The following NUP58 variants were observed in gnomAD, a reference collection of about 807,000 sequenced individuals.
The protein encoded by NUP58 is nucleoporin p58/p45.
A neutral mutation model predicts 70.1 loss-of-function variants in NUP58; 17 were observed. That is an observed-to-expected ratio of 0.24 (90% CI 0.17 to 0.36). NUP58 has a LOEUF of 0.36. Among genes scored for constraint, NUP58 ranks in the 10% least tolerant of loss-of-function variants. The pLI, the probability that NUP58 is intolerant of heterozygous loss-of-function variation, is 1.00. For missense variants in NUP58, 644 were observed against 701.5 expected (o/e 0.92, Z 0.93); for synonymous variants, 275 against 257.6 (o/e 1.07, Z -0.65).
At chr13:25,343,905 C>G (rs1368524109), downstream of NUP58, among the ~76,000 whole-genome samples, 1 of 149,936 alleles carries the variant, frequency 6.7e-6, no homozygotes, top group Non-Finnish European at 1.5e-5. Context: ...TGGTTAGGTT[C>G]ATTTGACTAT....
At chr13:25,321,206 T>C (rs1294771530) in intron 9 of NUP58, 113 bp downstream of exon 9, 1 of 862,584 alleles carries the variant, frequency 1.2e-6, no homozygotes, top group Non-Finnish European at 1.8e-6. Flanking sequence ...GATACATGCA[T>C]ACCGGTAGAA....
At position 25,320,356 on chromosome 13, in the gene NUP58, C is replaced by T. The variant is rs542292611; in HGVS notation, c.711-174C>T. On this transcript the variant is annotated intron_variant, in intron 7 of 15. Transcript: ENST00000381736. ...AATTGTTAAAATTATTTTATAGATC[C>T]TATTTACAATAAATTTATGTTTTTT... 54 of 484,872 alleles carry T rather than the reference C, an allele frequency of 1.1e-4. 1 individual carries two copies. The South Asian group carries it at 1.7e-3, about 15-fold the overall frequency. 30.0% of individuals were successfully genotyped at this position (484,872 alleles called of 1,614,324 possible). A position where few individuals can be genotyped will look rare whatever the true frequency, so the allele number is the denominator to read the frequency against.
At chr13:25,318,337 A>T (rs2031032051) in intron 6 of NUP58, among the ~76,000 whole-genome samples, 3 of 152,082 alleles carry the variant, frequency 2.0e-5, no homozygotes, top group Admixed American at 6.6e-5. Context: ...CAGAAATAAA[A>T]AAAAAATTTG....
At chr13:25,305,144 T>TG (rs375797248) in intron 1 of NUP58, among the ~76,000 whole-genome samples, 88,905 of 119,042 alleles carry the variant, frequency 0.75, 35,637 homozygotes, top group Non-Finnish European at 0.89. Context: ...TTTTTTTTTT[T>TG]TTTTTTTTTT....
chr13:25,324,990 A>G lies in NUP58; in HGVS notation c.953A>G (p.Glu318Gly), dbSNP rs1593191194. 6.6e-7 allele frequency: 1 copy of G among 1,521,532 alleles called. No homozygotes were observed. 94.3% of individuals were successfully genotyped at this position (1,521,532 alleles called of 1,614,324 possible). ...IDKLKIETAQ[E>G]LKNAEIALRT... ...TTTTTAAATCCTCTGGTATATTAGG[A>G]GTTGAAGAATGCTGAAATAGCTTTA... The change falls in exon 10 of 16, where the codon GAG becomes GGG. Residue 318 changes from glutamate to glycine, a missense_variant and splice_region_variant. This residue lies in a region of NUP58 where 430 missense variants were observed against 409.2 expected (regional missense o/e 1.05). Transcript: ENST00000381736.
At chr13:25,332,702 C>T (rs1380210388) in intron 13 of NUP58, 3 of 985,458 alleles carry the variant, frequency 3.0e-6, no homozygotes, top group African/African-American at 1.7e-5. Flanking sequence ...CCAAATCCTC[C>T]ATATCCCGTG....
downstream of NUP58, among the ~76,000 whole-genome samples, chr13:25,345,056 T>C (rs2032032089): frequency 6.6e-6 from 1 of 152,224 alleles, no homozygotes; most frequent in Non-Finnish European, 1.5e-5. Flanking sequence ...GCCTCTTACA[T>C]CACATCCCCA....
At chr13:25,333,821 G>C in intron 13 of NUP58, 1 of 985,318 alleles carries the variant, frequency 1.0e-6, no homozygotes, top group Non-Finnish European at 1.2e-6. Flanking sequence ...TCTAGATGAG[G>C]GTAGAGAGAG....
chr13:25,328,644 TC>T (rs761394457), intron 12 of NUP58, among the ~76,000 whole-genome samples: 1 of 152,036 alleles, frequency 6.6e-6, no homozygotes, highest in Non-Finnish European at 1.5e-5. Flanking sequence ...CAATCCTCCC[TC>T]CTCGGCCTCC....
intron 12 of NUP58, among the ~76,000 whole-genome samples, chr13:25,329,171 G>C (rs1299465030): frequency 6.6e-6 from 1 of 152,012 alleles, no homozygotes; most frequent in African/African-American, 2.4e-5. Context: ...CCGTTGCACA[G>C]AATTCTTTTC....
intron 13 of NUP58, chr13:25,334,466 T>C (rs948294069): frequency 1.0e-6 from 1 of 985,066 alleles, no homozygotes; most frequent in African/African-American, 1.7e-5. Flanking sequence ...ACATTTAAGG[T>C]GTAGTGTTAA....
chr13:25,305,335 TTTG>T (rs2030294354), intron 1 of NUP58, among the ~76,000 whole-genome samples: 5 of 151,950 alleles, frequency 3.3e-5, no homozygotes, highest in Admixed American at 2.6e-4. Context: ...TTGGAAGTTT[TTTG>T]TTGTTGTTTT....
At chr13:25,346,403 T>A (rs951493312), downstream of NUP58, among the ~76,000 whole-genome samples, 11 of 152,106 alleles carry the variant, frequency 7.2e-5, no homozygotes, top group Admixed American at 4.6e-4. Flanking sequence ...ATTAATGATA[T>A]AAAGTGGGCT....
chr13:25,343,897 G>A (rs2032016882), downstream of NUP58, among the ~76,000 whole-genome samples: 1 of 150,794 alleles, frequency 6.6e-6, no homozygotes, highest in Admixed American at 6.6e-5. Flanking sequence ...TCTCTGGATG[G>A]TTAGGTTCAT....
intron 12 of NUP58, among the ~76,000 whole-genome samples, chr13:25,328,542 C>T (rs979730393): frequency 1.3e-5 from 2 of 151,730 alleles, no homozygotes; most frequent in Admixed American, 1.3e-4. Flanking sequence ...ACTACAGGCA[C>T]GTGCCACCAT....
intron 1 of NUP58, among the ~76,000 whole-genome samples, chr13:25,303,518 G>C (rs1322035264): frequency 6.6e-6 from 1 of 151,760 alleles, no homozygotes; most frequent in African/African-American, 2.4e-5. Flanking sequence ...ATCTTAGAAA[G>C]CCTGTCCTAG....
chr13:25,309,308 A>G (rs760497929), intron 3 of NUP58, 26 bp downstream of exon 3: 1 of 1,551,718 alleles, frequency 6.4e-7, no homozygotes, highest in Non-Finnish European at 8.9e-7. Flanking sequence ...GAAAGATCCC[A>G]GCTCTGTGGT....
At position 25,307,683 on chromosome 13, in the gene NUP58, ATATGT is replaced by A. The variant is rs532057616; in HGVS notation, c.108-117_108-113del. ...TTTGGGTCCTATGACAATGTATTAG[ATATGT>A]TATGTGAATGAAATTATCTTGAAGA... is the stretch of plus-strand genomic sequence containing the variant. On this transcript the variant is annotated intron_variant, in intron 1 of 15. Coordinates refer to ENST00000381736, the MANE Select transcript of NUP58 (RefSeq NM_014089.4). 1.2e-3 allele frequency: 1,081 copies of A among 884,342 alleles called. 5 individuals carry two copies. In the African/African-American group the frequency reaches 0.014, roughly 11 times the overall value. 54.8% of individuals were successfully genotyped at this position (884,342 alleles called of 1,614,324 possible).
intron 1 of NUP58, among the ~76,000 whole-genome samples, chr13:25,302,217 T>A (rs1208636112): frequency 6.6e-6 from 1 of 152,258 alleles, no homozygotes; most frequent in Non-Finnish European, 1.5e-5. Flanking sequence ...GTCTTAGGCA[T>A]AGAATGAACA....
Sources: allele counts gnomAD v4.1 joint callset (sites outside exome capture counted in the v4.1 genomes callset), GRCh38; gene constraint gnomAD v4.1.1; regional missense constraint gnomAD v4.1.1; transcripts MANE v1.5; gene names NCBI Gene and HGNC (gene_info 2026-07-23, HGNC 2026-07-21).